Variants in NRG1 observed in about 807,000 individuals in gnomAD.
The protein encoded by NRG1 is neuregulin 1, also known as pro-neuregulin-1, membrane-bound isoform.
In NRG1, 18 loss-of-function variants were observed where a neutral mutation model predicts 63.8. The ratio of observed to expected loss-of-function variants is 0.28; its 90% CI spans 0.19 to 0.42. The LOEUF (loss-of-function observed/expected upper bound fraction) is 0.42, where lower values mean the gene tolerates loss of function less well. Among genes scored for constraint, NRG1 ranks in the 10% least tolerant of loss-of-function variants. The pLI is 1.00. For synonymous variants in NRG1, 302 were observed against 301.3 expected, an observed-to-expected ratio of 1.00 and a Z score of -0.02; for missense variants, 762 against 814.7, an observed-to-expected ratio of 0.94 and a Z score of 0.79.
chr8:32,284,934 C>A (rs992154011), intron 1 of NRG1, among the ~76,000 whole-genome samples: 1 of 152,174 alleles, frequency 6.6e-6, no homozygotes, highest in Non-Finnish European at 1.5e-5. Flanking sequence ...ACACAACTGG[C>A]ACGGTAAAGA....
intron 1 of NRG1, among the ~76,000 whole-genome samples, chr8:32,020,027 AC>A (rs899093633): frequency 1.1e-4 from 16 of 151,912 alleles, no homozygotes; most frequent in African/African-American, 3.9e-4. Context: ...CCCCATGCCT[AC>A]CCCCCAAAAT....
intron 1 of NRG1, among the ~76,000 whole-genome samples, chr8:32,213,501 C>T (rs117736065): frequency 2.8e-4 from 43 of 152,130 alleles, no homozygotes; most frequent in Middle Eastern, 3.4e-3. Flanking sequence ...ATAGCTAATG[C>T]ATGTTGGGCT....
intron 10 of NRG1, 28 bp from the exon 11 acceptor site, chr8:32,760,172 C>T: frequency 6.2e-7 from 1 of 1,612,500 alleles, no homozygotes; most frequent in Non-Finnish European, 8.5e-7. Flanking sequence ...CACGAAATAT[C>T]TGATTGTCTC....
chr8:32,458,504 G>A (rs1821892283), intron 1 of NRG1, among the ~76,000 whole-genome samples: 1 of 152,094 alleles, frequency 6.6e-6, no homozygotes, highest in Non-Finnish European at 1.5e-5. Context: ...AATCAGTCAT[G>A]GGCTGAGAGA....
intron 1 of NRG1, among the ~76,000 whole-genome samples, chr8:32,476,070 T>A (rs569041617): frequency 6.6e-6 from 1 of 152,266 alleles, no homozygotes; most frequent in East Asian, 1.9e-4. Context: ...GTATTACATA[T>A]CTGCATGTGT....
chr8:32,396,610 G>A (rs953513409), intron 1 of NRG1, among the ~76,000 whole-genome samples: 12 of 151,250 alleles, frequency 7.9e-5, no homozygotes, highest in African/African-American at 2.7e-4. Flanking sequence ...CACCACACCC[G>A]GTTCATTTTG....
rs545951481 is a variant in NRG1, at chr8:32,170,404, G to A, written c.38-425424G>A. On this transcript the variant is annotated intron_variant, in intron 1 of 10. Coordinates refer to the NRG1 transcript ENST00000519301. ...AGATCCCCTGCTTTGTCTGGGAAGG[G>A]GAGGAATATCCACAGCGTCTTAGCA... 2.0e-5 allele frequency among the ~76,000 whole-genome samples: 3 copies of A among 152,256 alleles called. No homozygotes were observed. The South Asian group carries it at 6.2e-4, about 32-fold the overall frequency.
intron 1 of NRG1, among the ~76,000 whole-genome samples, chr8:32,048,895 T>A (rs1451294170): frequency 6.6e-6 from 1 of 152,052 alleles, no homozygotes; most frequent in African/African-American, 2.4e-5. Flanking sequence ...TTTACAAATA[T>A]GTTTTCCCAT....
At chr8:32,478,233 G>A (rs1824777902) in intron 1 of NRG1, among the ~76,000 whole-genome samples, 1 of 151,074 alleles carries the variant, frequency 6.6e-6, no homozygotes, top group Admixed American at 6.6e-5. Context: ...CCTTAAGCAG[G>A]GAGGCATTTG....
At chr8:31,893,189 A>G in intron 1 of NRG1, among the ~76,000 whole-genome samples, 1 of 150,314 alleles carries the variant, frequency 6.7e-6, no homozygotes. Flanking sequence ...ATACTATTAT[A>G]TAATATAGGG....
At chr8:32,672,083 C>T (rs1009439329) in intron 5 of NRG1, among the ~76,000 whole-genome samples, 1 of 151,354 alleles carries the variant, frequency 6.6e-6, no homozygotes, top group Non-Finnish European at 1.5e-5. Flanking sequence ...CTTGCTCTGT[C>T]GCCCAGGCTG....
intron 1 of NRG1, among the ~76,000 whole-genome samples, chr8:31,797,762 C>T (rs1821370208): frequency 6.6e-6 from 1 of 152,136 alleles, no homozygotes; most frequent in Non-Finnish European, 1.5e-5. Flanking sequence ...GCACTATTCA[C>T]AATAGCCAAG....
intron 5 of NRG1, among the ~76,000 whole-genome samples, chr8:32,701,238 T>C (rs186167854): frequency 2.0e-5 from 3 of 152,320 alleles, no homozygotes; most frequent in Admixed American, 2.0e-4. Flanking sequence ...ATACTAATGA[T>C]TCAATATCTT....
chr8:31,881,497 C>A (rs1037028395), intron 1 of NRG1, among the ~76,000 whole-genome samples: 2 of 152,134 alleles, frequency 1.3e-5, no homozygotes, highest in African/African-American at 4.8e-5. Flanking sequence ...ATTCACAACC[C>A]TATAATGGCT....
intron 1 of NRG1, among the ~76,000 whole-genome samples, chr8:31,723,505 T>C (rs756528385): frequency 6.6e-6 from 1 of 152,120 alleles, no homozygotes; most frequent in Admixed American, 6.6e-5. Flanking sequence ...CTGGAGTATA[T>C]TGGCTATTCA....
chr8:31,915,641 A>C (rs1833319298), intron 1 of NRG1, among the ~76,000 whole-genome samples: 1 of 152,158 alleles, frequency 6.6e-6, no homozygotes. Context: ...AAAAGTACAC[A>C]GAATTCATCT....
intron 1 of NRG1, among the ~76,000 whole-genome samples, chr8:31,834,917 C>T (rs556768679): frequency 6.6e-6 from 1 of 152,210 alleles, no homozygotes; most frequent in South Asian, 2.1e-4. Flanking sequence ...GTACATTTAA[C>T]CTTTCAGTGC....
chr8:32,230,509 A>G (rs73576697), intron 1 of NRG1, among the ~76,000 whole-genome samples: 4 of 152,162 alleles, frequency 2.6e-5, no homozygotes, highest in African/African-American at 9.7e-5. Flanking sequence ...TAGGAAACTC[A>G]GGGAAGTTAA....
At chr8:31,928,579 A>T (rs942513002) in intron 1 of NRG1, among the ~76,000 whole-genome samples, 6 of 151,844 alleles carry the variant, frequency 4.0e-5, no homozygotes, top group Admixed American at 1.3e-4. Context: ...CCATCTACTG[A>T]TGAGTGGATA....
Sources: allele counts gnomAD v4.1 joint callset (sites outside exome capture counted in the v4.1 genomes callset), GRCh38; gene constraint gnomAD v4.1.1; transcripts MANE v1.5; gene names NCBI Gene and HGNC (gene_info 2026-07-23, HGNC 2026-07-21).